Variants in ABL2 observed in about 807,000 individuals in gnomAD.
ABL2 encodes tyrosine-protein kinase ABL2.
A neutral mutation model predicts 107.7 loss-of-function variants in ABL2; 49 were observed. The observed-to-expected ratio is 0.45, with a 90% CI of 0.36 to 0.58. ABL2 has a LOEUF of 0.58. Ranked by LOEUF, ABL2 falls within the 20% of genes least tolerant of loss-of-function variation. The probability of loss-of-function intolerance (pLI) is 0.00; values close to 1 mark genes in which losing one functional copy is unlikely to be tolerated. For missense variants in ABL2, 1,245 were observed against 1,457.0 expected, an observed-to-expected ratio of 0.85 and a Z score of 2.37; for synonymous variants, 549 against 548.6, an observed-to-expected ratio of 1.00 and a Z score of -0.01.
At chr1:179,150,658 C>A (rs754996872) in intron 1 of ABL2, among the ~76,000 whole-genome samples, 24 of 152,160 alleles carry the variant, frequency 1.6e-4, no homozygotes, top group Non-Finnish European at 3.2e-4. Flanking sequence ...TTAATTATGA[C>A]AAAGAATTTG....
In ABL2 at chr1:179,104,531, A is replaced by G; in HGVS notation, c.*3187T>C. The G allele has an allele frequency of 4.8e-6, 1 of 209,448 alleles. No homozygotes were observed. Among genetic ancestry groups the G allele is most frequent in the Non-Finnish European group, 9.7e-6 (1 of 102,930 alleles). The allele number at this position is 209,448 out of a possible 1,614,324, so 13.0% of individuals were successfully genotyped here. A position where few individuals can be genotyped will look rare whatever the true frequency, so the allele number is the denominator to read the frequency against. ...ATAATGACCTCTATGTACAGAGGTC[A>G]TCTAGAAAAACACTGAATGAATTTC... On this transcript the variant is annotated 3_prime_UTR_variant, in exon 12 of 12. Coordinates refer to ENST00000502732, the MANE Select transcript of ABL2 (RefSeq NM_007314.4).
At chr1:179,110,207 A>G in intron 11 of ABL2, 75 bp downstream of exon 11, 2 of 1,551,378 alleles carry the variant, frequency 1.3e-6, no homozygotes, top group Middle Eastern at 1.7e-4. Context: ...GAAAGTGGAC[A>G]TAAAAGCCTC....
chr1:179,151,665 A>C (rs895722960), intron 1 of ABL2, among the ~76,000 whole-genome samples: 3 of 152,208 alleles, frequency 2.0e-5, no homozygotes, highest in Non-Finnish European at 4.4e-5. Flanking sequence ...TTTCTACATC[A>C]GTATTTCTCA....
At chr1:179,174,256 C>T (rs1464179905) in intron 1 of ABL2, among the ~76,000 whole-genome samples, 1 of 151,058 alleles carries the variant, frequency 6.6e-6, no homozygotes, top group Non-Finnish European at 1.5e-5. Context: ...CCACTGCACT[C>T]CAGCCTGGGC....
chr1:179,229,170 GCCA>G, intron 1 of ABL2, 68 bp downstream of exon 1: 5 of 266,254 alleles, frequency 1.9e-5, no homozygotes, highest in Non-Finnish European at 3.4e-5. Flanking sequence ...CAGCCCGTCC[GCCA>G]CCCACCCCGC....
intron 1 of ABL2, among the ~76,000 whole-genome samples, chr1:179,134,454 G>C (rs550870329): frequency 5.9e-5 from 9 of 152,256 alleles, no homozygotes; most frequent in Non-Finnish European, 7.4e-5. Context: ...CGTGGAGCCT[G>C]CTTGGGAACC....
At chr1:179,191,413 CTTTTTTTTTTTTTT>C (rs35362624) in intron 1 of ABL2, among the ~76,000 whole-genome samples, 1 of 77,168 alleles carries the variant, frequency 1.3e-5, no homozygotes. Flanking sequence ...TATGAAATCC[CTTTTTTTTTTTTTT>C]TTTTTTTTTT....
chr1:179,205,174 G>A lies in ABL2; in HGVS notation c.157+24067C>T, dbSNP rs200687975. ...CCTGAGTAGCTGGGATTACAAGTGTGTGCCACCACACCCAGCTAATTTTTG... is the reference window on the plus strand; with the variant it reads ...CCTGAGTAGCTGGGATTACAAGTGTATGCCACCACACCCAGCTAATTTTTG... On this transcript the variant is annotated intron_variant, in intron 1 of 11. Transcript: ENST00000502732. Among the ~76,000 whole-genome samples, 6 of 152,038 alleles carry A rather than the reference G, an allele frequency of 3.9e-5. No homozygotes were observed. The East Asian group carries it at 1.2e-3, about 30-fold the overall frequency.
Position 179,126,384 on chromosome 1 carries a change from T to G in ABL2, c.680A>C (p.Asp227Ala), listed in dbSNP as rs541485724. The part of the protein sequence containing the change: ...VYHYRINTTA[D>A]GKVYVTAESR... ...GTGACCAGGGAGTCTTACCTTGCCA[T>G]CTGCAGTGGTATTGATCCTGTAGTG... The change falls in exon 4 of 12, where the codon GAT (aspartate) becomes GCT (alanine). Residue 227 changes from aspartate to alanine, a missense_variant. By Grantham distance (126) the Asp-to-Ala change is moderately radical. This residue lies in a region of ABL2 where 320 missense variants were observed against 547.0 expected (regional missense o/e 0.59). Transcript: ENST00000502732. This position sits in a 1 kb window ranked among gnomAD's most constrained non-coding sequence, Gnocchi z 4.4. The G allele has an allele frequency of 6.2e-7, 1 of 1,611,550 alleles. No individual in the cohort carries two copies.
Position 179,155,734 on chromosome 1 carries a change from TAA to T in ABL2, c.158-22362_158-22361del, listed in dbSNP as rs58943276. 9.2e-3 allele frequency among the ~76,000 whole-genome samples: 1,214 copies of T among 132,502 alleles called. 13 individuals carry two copies. Among genetic ancestry groups the T allele is most frequent in the African/African-American group, 0.029 (1,076 of 36,980 alleles). The allele number at this position is 132,502 out of a possible 152,430, so 86.9% of individuals were successfully genotyped here. A position where few individuals can be genotyped will look rare whatever the true frequency, so the allele number is the denominator to read the frequency against. On this transcript the variant is annotated intron_variant, in intron 1 of 11. Coordinates refer to ENST00000502732, the MANE Select transcript of ABL2 (RefSeq NM_007314.4). The stretch of plus-strand genomic sequence containing the variant: ...AGACAGAGCAAGACTCCATCTCAAT[TAA>T]AAAAAAAAAAAAAAAATTATACAGC...
chr1:179,205,258 C>G (rs1661900022), intron 1 of ABL2, among the ~76,000 whole-genome samples: 1 of 152,048 alleles, frequency 6.6e-6, no homozygotes, highest in South Asian at 2.1e-4. Context: ...AACTTTTGAC[C>G]TCGTGATCTG....
intron 2 of ABL2, among the ~76,000 whole-genome samples, chr1:179,131,764 A>G (rs950641676): frequency 6.6e-6 from 1 of 152,256 alleles, no homozygotes; most frequent in African/African-American, 2.4e-5. Flanking sequence ...ATAAACTAAT[A>G]GGAAACGCAG....
intron 1 of ABL2, among the ~76,000 whole-genome samples, chr1:179,145,914 G>A (rs930438171): frequency 1.2e-4 from 16 of 131,476 alleles, no homozygotes; most frequent in Non-Finnish European, 4.8e-5. Context: ...TTTTTTTTGA[G>A]ACAGGGTCTT....
chr1:179,222,652 G>C (rs1662938287), intron 1 of ABL2, among the ~76,000 whole-genome samples: 1 of 151,998 alleles, frequency 6.6e-6, no homozygotes, highest in South Asian at 2.1e-4. Flanking sequence ...GCCTCCCAAA[G>C]TACTGGGATT....
intron 1 of ABL2, among the ~76,000 whole-genome samples, chr1:179,178,010 G>T (rs779114805): frequency 1.3e-5 from 2 of 151,972 alleles, no homozygotes; most frequent in South Asian, 4.1e-4. Flanking sequence ...ATTTCTGCAG[G>T]GATATAATTA....
intron 1 of ABL2, among the ~76,000 whole-genome samples, chr1:179,227,919 C>G (rs922729715): frequency 2.6e-5 from 4 of 151,304 alleles, no homozygotes; most frequent in Non-Finnish European, 5.9e-5. Context: ...GGTGTGGTGG[C>G]GGGCGCCTGT....
intron 1 of ABL2, among the ~76,000 whole-genome samples, chr1:179,174,649 T>C (rs1659927617): frequency 6.6e-6 from 1 of 151,630 alleles, no homozygotes; most frequent in African/African-American, 2.4e-5. Flanking sequence ...TTTATACTCC[T>C]CAAATTTTCT....
rs560339539 is a variant in ABL2, at chr1:179,121,548, G to A, written c.960+47C>T. The A allele has an allele frequency of 3.8e-6, 6 of 1,584,572 alleles. 1 individual carries two copies. The South Asian group carries it at 4.6e-5, about 12-fold the overall frequency. ...CATGCTGATATTTCCAAGTGATTGA[G>A]CACAAAAGAAAAAGATGCCTGAAAA... On this transcript the variant is annotated intron_variant, in intron 5 of 11. Transcript: ENST00000502732.
Position 179,229,133 on chromosome 1 carries a change from G to T in ABL2, c.157+108C>A, listed in dbSNP as rs1663394973. 3.7e-6 allele frequency: 5 copies of T among 1,345,382 alleles called. No individual in the cohort carries two copies. In the African/African-American group the frequency reaches 6.1e-5, roughly 16 times the overall value. 83.3% of individuals were successfully genotyped at this position (1,345,382 alleles called of 1,614,324 possible). On this transcript the variant is annotated intron_variant, in intron 1 of 11. Transcript: ENST00000502732. ...CAGCGGATTCCGCCCCCACTCTCAG[G>T]CACCTTCCACCCTCCGACCCCTCGG...
Sources: allele counts gnomAD v4.1 joint callset (sites outside exome capture counted in the v4.1 genomes callset), GRCh38; gene constraint gnomAD v4.1.1; regional missense constraint gnomAD v4.1.1; non-coding constraint Gnocchi (gnomAD v3.1); transcripts MANE v1.5; gene names NCBI Gene and HGNC (gene_info 2026-07-23, HGNC 2026-07-21).